The following THSD4 variants were observed in gnomAD, a reference collection of about 807,000 sequenced individuals.
THSD4 encodes thrombospondin type-1 domain-containing protein 4.
THSD4 carries 69 observed loss-of-function variants against 119.0 expected under a neutral mutation model. The ratio of observed to expected loss-of-function variants is 0.58; its 90% CI spans 0.48 to 0.71. The LOEUF is 0.71. THSD4 is among the 30% of genes least tolerant of loss of function. THSD4 has a pLI of 0.00. For synonymous variants in THSD4, 524 were observed against 540.4 expected (o/e 0.97, Z 0.42); for missense variants, 1,393 against 1,391.1 (o/e 1.00, Z -0.02).
intron 7 of THSD4, among the ~76,000 whole-genome samples, chr15:71,625,409 C>G (rs2140934814): frequency 6.6e-6 from 1 of 152,222 alleles, no homozygotes; most frequent in Admixed American, 6.5e-5. Flanking sequence ...GACTAAATCT[C>G]AAAGAAAGAG....
At chr15:71,459,336 C>CTT (rs2047387625) in intron 7 of THSD4, among the ~76,000 whole-genome samples, 1 of 131,984 alleles carries the variant, frequency 7.6e-6, no homozygotes, top group Admixed American at 8.1e-5. Flanking sequence ...CTCTCTCTCT[C>CTT]TGTCTCTCTG....
intron 8 of THSD4, among the ~76,000 whole-genome samples, chr15:71,695,391 GTTCAGT>G: frequency 6.6e-6 from 1 of 151,788 alleles, no homozygotes; most frequent in Middle Eastern, 3.4e-3. Context: ...GTGTGTGCAA[GTTCAGT>G]TCCTGATACC....
chr15:71,658,078 C>T (rs992193744), intron 7 of THSD4, among the ~76,000 whole-genome samples: 15 of 152,154 alleles, frequency 9.9e-5, no homozygotes, highest in South Asian at 2.1e-4. Flanking sequence ...ACTCACTGGA[C>T]GGTTCATTGT....
intron 6 of THSD4, chr15:71,348,270 T>G (rs149580440): frequency 1.3e-5 from 2 of 152,194 alleles, no homozygotes; most frequent in African/African-American, 4.8e-5. Flanking sequence ...GAAGAACCAC[T>G]GAAAACTGTT....
At chr15:71,102,885 T>G (rs902242309) in intron 1 of THSD4, among the ~76,000 whole-genome samples, 1 of 152,330 alleles carries the variant, frequency 6.6e-6, no homozygotes, top group African/African-American at 2.4e-5. Flanking sequence ...ATCTTCTTTT[T>G]TCCCCCCTGA....
intron 7 of THSD4, among the ~76,000 whole-genome samples, chr15:71,445,965 G>A (rs2047175564): frequency 6.6e-6 from 1 of 152,162 alleles, no homozygotes; most frequent in Admixed American, 6.5e-5. Flanking sequence ...TTGCAAGATC[G>A]CTCTGCCTAA....
At position 71,777,572 on chromosome 15, in the gene THSD4, A is replaced by C. The variant is rs2053937807; in HGVS notation, c.*198A>C. 1 of 666,162 alleles carries C rather than the reference A, an allele frequency of 1.5e-6. No homozygotes were observed. Among genetic ancestry groups the C allele is most frequent in the Middle Eastern group, 4.1e-4 (1 of 2,414 alleles). 41.3% of individuals were successfully genotyped at this position (666,162 alleles called of 1,614,324 possible). ...CACAAGATGTTTGAAAGCCACAGTC[A>C]GTCCTTTAAGCATCACCATGTACTG... On this transcript the variant is annotated 3_prime_UTR_variant, in exon 18 of 18. Transcript: ENST00000261862.
intron 3 of THSD4, among the ~76,000 whole-genome samples, chr15:71,199,528 G>A (rs1001798854): frequency 2.8e-5 from 4 of 143,364 alleles, no homozygotes; most frequent in Non-Finnish European, 6.1e-5. Context: ...TGTGTGTGGG[G>A]TGTGTGGTGT....
At position 71,416,405 on chromosome 15, in the gene THSD4, C is replaced by T. The variant is rs1178712372; in HGVS notation, c.1152+4582C>T. ...CTATTCTTACTTTTTTGAGGAACCT[C>T]CAAACTGTTCTCTATAGTGGTTGTA... is the stretch of plus-strand genomic sequence containing the variant. On this transcript the variant is annotated intron_variant, in intron 7 of 17. Transcript: ENST00000261862. Among the ~76,000 whole-genome samples the T allele has an allele frequency of 1.9e-5, 2 of 107,728 alleles. 1 individual carries two copies. The highest frequency in any genetic ancestry group is 4.1e-5 in the Non-Finnish European group (2 of 49,040). 70.7% of individuals were successfully genotyped at this position (107,728 alleles called of 152,430 possible).
intron 8 of THSD4, among the ~76,000 whole-genome samples, chr15:71,717,629 G>A (rs1231962351): frequency 6.6e-6 from 1 of 150,584 alleles, no homozygotes; most frequent in Non-Finnish European, 1.5e-5. Flanking sequence ...AAAAGCAATT[G>A]ATTAAACATC....
intron 6 of THSD4, among the ~76,000 whole-genome samples, chr15:71,272,648 G>A (rs1168896468): frequency 1.3e-5 from 2 of 151,992 alleles, no homozygotes; most frequent in Non-Finnish European, 2.9e-5. Flanking sequence ...GATCACTTAA[G>A]GTCAGGAATT....
intron 7 of THSD4, among the ~76,000 whole-genome samples, chr15:71,605,211 A>T (rs1171652557): frequency 2.0e-5 from 3 of 152,250 alleles, no homozygotes; most frequent in Non-Finnish European, 4.4e-5. Context: ...GACAGGGACC[A>T]GACCGTGCAG....
intron 6 of THSD4, among the ~76,000 whole-genome samples, chr15:71,388,066 CA>C (rs1216274181): frequency 2.0e-5 from 3 of 152,180 alleles, no homozygotes; most frequent in Admixed American, 6.5e-5. Context: ...GAAGACAAAT[CA>C]AAACTACACT....
intron 7 of THSD4, among the ~76,000 whole-genome samples, chr15:71,497,273 G>A (rs376517094): frequency 7.2e-5 from 11 of 152,318 alleles, no homozygotes; most frequent in African/African-American, 2.4e-4. Context: ...AGCACTCCGG[G>A]AGGCTGACAC....
At chr15:71,319,311 A>G (rs2045234557) in intron 6 of THSD4, among the ~76,000 whole-genome samples, 2 of 152,008 alleles carry the variant, frequency 1.3e-5, no homozygotes, top group South Asian at 2.1e-4. Flanking sequence ...TTACATATGT[A>G]TACATGTGCC....
intron 6 of THSD4, among the ~76,000 whole-genome samples, chr15:71,365,652 G>A (rs577821618): frequency 6.6e-6 from 1 of 152,168 alleles, no homozygotes; most frequent in East Asian, 1.9e-4. Flanking sequence ...AGTGGGTTCT[G>A]TTTGGATTGG....
At chr15:71,253,282 G>A (rs1361863118) in intron 5 of THSD4, among the ~76,000 whole-genome samples, 1 of 152,212 alleles carries the variant, frequency 6.6e-6, no homozygotes, top group Admixed American at 6.5e-5. Flanking sequence ...GGTGGCAGAT[G>A]TGTATGGATG....
At chr15:71,491,394 T>C (rs1211190922) in intron 7 of THSD4, among the ~76,000 whole-genome samples, 1 of 152,172 alleles carries the variant, frequency 6.6e-6, no homozygotes, top group African/African-American at 2.4e-5. Context: ...TAGGATTAGC[T>C]CAGGTCATGA....
intron 15 of THSD4, among the ~76,000 whole-genome samples, chr15:71,761,268 C>T (rs1026752783): frequency 3.3e-5 from 5 of 152,016 alleles, no homozygotes; most frequent in African/African-American, 1.2e-4. Context: ...AAATTTTTAG[C>T]ACAGAATTTT....
Sources: allele counts gnomAD v4.1 joint callset (sites outside exome capture counted in the v4.1 genomes callset), GRCh38; gene constraint gnomAD v4.1.1; transcripts MANE v1.5; gene names NCBI Gene and HGNC (gene_info 2026-07-23, HGNC 2026-07-21).